The following ZNF385D variants were observed in gnomAD, a reference collection of about 807,000 sequenced individuals.
ZNF385D encodes the protein zinc finger protein 385D, also known as zinc finger protein 659.
A neutral mutation model predicts 35.8 loss-of-function variants in ZNF385D; 15 were observed. The observed-to-expected ratio is 0.42, with a 90% CI of 0.28 to 0.64. ZNF385D has a LOEUF of 0.64. Among genes scored for constraint, ZNF385D ranks in the 30% least tolerant of loss-of-function variants. The pLI, the probability that ZNF385D is intolerant of heterozygous loss-of-function variation, is 0.23. For synonymous variants in ZNF385D, 212 were observed against 186.8 expected, an observed-to-expected ratio of 1.13 and a Z score of -1.10; for missense variants, 474 against 494.6, an observed-to-expected ratio of 0.96 and a Z score of 0.39.
chr3:22,146,161 G>T (rs529566080), intron 3 of ZNF385D, among the ~76,000 whole-genome samples: 2 of 151,892 alleles, frequency 1.3e-5, no homozygotes, highest in Non-Finnish European at 2.9e-5. Flanking sequence ...AGTCTAAGAG[G>T]GAACCATCTG....
At chr3:22,248,055 T>A (rs562431635) in intron 2 of ZNF385D, among the ~76,000 whole-genome samples, 2 of 152,272 alleles carry the variant, frequency 1.3e-5, no homozygotes, top group South Asian at 4.1e-4. Context: ...GACAACACTA[T>A]CTGGTAGCCC....
intron 3 of ZNF385D, among the ~76,000 whole-genome samples, chr3:21,804,777 T>C (rs1168345152): frequency 1.1e-5 from 1 of 93,360 alleles, no homozygotes; most frequent in African/African-American, 4.6e-5. Context: ...AGAGGTTAAG[T>C]AATTTGTTCA....
At chr3:22,164,391 G>C (rs1264740521) in intron 3 of ZNF385D, among the ~76,000 whole-genome samples, 1 of 151,678 alleles carries the variant, frequency 6.6e-6, no homozygotes. Flanking sequence ...ACCACGTCTA[G>C]CTAATTTTTG....
chr3:21,653,479 T>A (rs1236386324), intron 2 of ZNF385D, among the ~76,000 whole-genome samples: 1 of 152,078 alleles, frequency 6.6e-6, no homozygotes, highest in Non-Finnish European at 1.5e-5. Context: ...AGTAAGAAGC[T>A]TGCATATGTG....
intron 3 of ZNF385D, among the ~76,000 whole-genome samples, chr3:21,958,004 C>T (rs1372458716): frequency 1.3e-5 from 2 of 152,212 alleles, no homozygotes; most frequent in African/African-American, 2.4e-5. Flanking sequence ...TCAAGATCAC[C>T]GCCAGTGTGC....
At chr3:21,443,684 T>C (rs1041394509) in intron 4 of ZNF385D, among the ~76,000 whole-genome samples, 15 of 152,328 alleles carry the variant, frequency 9.8e-5, no homozygotes, top group Admixed American at 5.2e-4. Flanking sequence ...TAATCACATA[T>C]ACTTTTCATC....
chr3:22,075,032 C>T (rs1383087), intron 3 of ZNF385D, among the ~76,000 whole-genome samples: 97,030 of 151,608 alleles, frequency 0.64, 32,149 homozygotes, highest in African/African-American at 0.81. Context: ...ATATTAACTA[C>T]ATATTTGAAA....
At chr3:21,879,650 A>G (rs552472388) in intron 3 of ZNF385D, among the ~76,000 whole-genome samples, 2 of 152,152 alleles carry the variant, frequency 1.3e-5, no homozygotes, top group East Asian at 3.9e-4. Flanking sequence ...CAATTAAAAA[A>G]TAGTCACAGA....
chr3:21,992,468 A>C (rs1382456862), intron 3 of ZNF385D, among the ~76,000 whole-genome samples: 1 of 152,178 alleles, frequency 6.6e-6, no homozygotes, highest in African/African-American at 2.4e-5. Context: ...CATCCATCAC[A>C]GCTATCATGT....
intron 3 of ZNF385D, among the ~76,000 whole-genome samples, chr3:21,998,782 A>C (rs1695648949): frequency 6.6e-6 from 1 of 152,210 alleles, no homozygotes; most frequent in Non-Finnish European, 1.5e-5. Flanking sequence ...TAAAATTATC[A>C]TTCTTAGAAG....
chr3:21,970,124 G>A (rs534438512), intron 3 of ZNF385D, among the ~76,000 whole-genome samples: 75 of 152,234 alleles, frequency 4.9e-4, no homozygotes, highest in African/African-American at 1.8e-3. Flanking sequence ...GCTGAACTAT[G>A]AAGGTAAGAA....
chr3:22,215,680 G>A (rs146473002), intron 2 of ZNF385D, among the ~76,000 whole-genome samples: 290 of 151,920 alleles, frequency 1.9e-3, no homozygotes, highest in African/African-American at 6.5e-3. Flanking sequence ...CTGTAATCTC[G>A]CCCTGCCTCC....
chr3:21,904,245 A>G (rs896407887), intron 3 of ZNF385D, among the ~76,000 whole-genome samples: 2 of 144,094 alleles, frequency 1.4e-5, no homozygotes, highest in African/African-American at 5.2e-5. Context: ...CGGAGGTTGC[A>G]GTGAGCCGAG....
chr3:21,996,779 G>A (rs973329010), intron 3 of ZNF385D, among the ~76,000 whole-genome samples: 7 of 152,082 alleles, frequency 4.6e-5, no homozygotes, highest in Non-Finnish European at 1.0e-4. Context: ...CTTAACCTTA[G>A]TTATGAAGAT....
At chr3:21,723,775 A>G (rs989398760) in intron 1 of ZNF385D, among the ~76,000 whole-genome samples, 1 of 152,212 alleles carries the variant, frequency 6.6e-6, no homozygotes, top group African/African-American at 2.4e-5. Flanking sequence ...GCAGGCCAAC[A>G]TTCAAATTCA....
At chr3:21,925,235 A>C (rs1350539785) in intron 3 of ZNF385D, among the ~76,000 whole-genome samples, 2 of 152,196 alleles carry the variant, frequency 1.3e-5, no homozygotes, top group Non-Finnish European at 2.9e-5. Flanking sequence ...AGGTTTACTC[A>C]ATTTCAAGAC....
intron 1 of ZNF385D, among the ~76,000 whole-genome samples, chr3:21,694,013 G>C (rs2067377337): frequency 1.5e-5 from 2 of 136,238 alleles, no homozygotes. Flanking sequence ...TGCGTAGCTG[G>C]GACTACAGGC....
At chr3:21,957,451 G>C (rs1702351637) in intron 3 of ZNF385D, among the ~76,000 whole-genome samples, 1 of 152,072 alleles carries the variant, frequency 6.6e-6, no homozygotes, top group African/African-American at 2.4e-5. Context: ...TTGACTAAAA[G>C]CCTGATAGCA....
chr3:21,971,786 C>A (rs1305362568), intron 3 of ZNF385D, among the ~76,000 whole-genome samples: 3 of 151,510 alleles, frequency 2.0e-5, no homozygotes, highest in African/African-American at 7.3e-5. Context: ...TTTCGTGCCA[C>A]TGAAAGCCAA....
Sources: allele counts gnomAD v4.1 joint callset (sites outside exome capture counted in the v4.1 genomes callset), GRCh38; gene constraint gnomAD v4.1.1; transcripts MANE v1.5; gene names NCBI Gene and HGNC (gene_info 2026-07-23, HGNC 2026-07-21).